Variants in FLYWCH1 observed in about 807,000 individuals in gnomAD.
FLYWCH1 encodes FLYWCH-type zinc finger 1.
FLYWCH1 carries 75 observed loss-of-function variants against 66.4 expected under a neutral mutation model. The ratio of observed to expected loss-of-function variants is 1.13; its 90% CI spans 0.94 to 1.37. The LOEUF (loss-of-function observed/expected upper bound fraction) is 1.37, where lower values mean the gene tolerates loss of function less well. FLYWCH1 is among the 40% of genes most tolerant of loss of function. FLYWCH1 has a pLI of 0.00. For synonymous variants in FLYWCH1, 595 were observed against 429.9 expected, an observed-to-expected ratio of 1.38 and a Z score of -4.75; for missense variants, 1,334 against 1,001.8, an observed-to-expected ratio of 1.33 and a Z score of -4.48.
chr16:2,922,886 G>A, intron 2 of FLYWCH1: 1 of 523,830 alleles, frequency 1.9e-6, no homozygotes, highest in South Asian at 1.4e-5. Flanking sequence ...AGTGGTCGGT[G>A]GAAAATTGAT....
intron 9 of FLYWCH1, among the ~76,000 whole-genome samples, chr16:2,946,841 C>T (rs1487969160): frequency 4.6e-5 from 7 of 152,242 alleles, no homozygotes; most frequent in African/African-American, 1.7e-4. Flanking sequence ...TTTAAAAAGA[C>T]AGCTAACAAG....
chr16:2,948,968 G>A lies in FLYWCH1; in HGVS notation c.*241G>A, dbSNP rs988338719. On this transcript the variant is annotated 3_prime_UTR_variant, in exon 10 of 10. Coordinates refer to ENST00000253928, the MANE Select transcript of FLYWCH1 (RefSeq NM_001308068.2). Reference sequence around the variant, plus strand: ...AGACGCAGCTGTCGTGGGGCAGGGCGGTGGCGCCTTCCTGACCTTTGGAAG... The same window carrying A: ...AGACGCAGCTGTCGTGGGGCAGGGCAGTGGCGCCTTCCTGACCTTTGGAAG... 10 of 532,908 alleles carry A rather than the reference G, an allele frequency of 1.9e-5. No individual in the cohort carries two copies. The highest frequency in any genetic ancestry group is 5.7e-5 in the African/African-American group (3 of 52,274). The allele number at this position is 532,908 out of a possible 1,614,324, so 33.0% of individuals were successfully genotyped here.
At chr16:2,931,615 CA>C (rs555944806) in intron 4 of FLYWCH1, among the ~76,000 whole-genome samples, 23 of 144,926 alleles carry the variant, frequency 1.6e-4, no homozygotes, top group South Asian at 8.7e-4. Context: ...GACCCTGTCT[CA>C]AAAAAAAAAA....
At chr16:2,930,341 C>G in intron 3 of FLYWCH1, 69 bp from the exon 4 acceptor site, 1 of 1,004,618 alleles carries the variant, frequency 1.0e-6, no homozygotes, top group Non-Finnish European at 1.4e-6. Flanking sequence ...CACGCCCTCC[C>G]TGGCTCTCTG....
chr16:2,933,598 T>C lies in FLYWCH1; in HGVS notation c.1249+16T>C, dbSNP rs1381302403. On this transcript the variant is annotated intron_variant, in intron 5 of 9. Coordinates refer to ENST00000253928, the MANE Select transcript of FLYWCH1 (RefSeq NM_001308068.2). ...GCAGACCCGGGTGAGCTGCCTTCCT[T>C]TGGGGCTCACCGGCCCTGCCTTGAC... 2 of 1,575,998 alleles carry C rather than the reference T, an allele frequency of 1.3e-6. No homozygotes were observed. Among genetic ancestry groups the C allele is most frequent in the Non-Finnish European group, 1.7e-6 (2 of 1,160,746 alleles).
At chr16:2,927,115 C>G (rs1051172260) in intron 2 of FLYWCH1, among the ~76,000 whole-genome samples, 1 of 152,188 alleles carries the variant, frequency 6.6e-6, no homozygotes, top group Admixed American at 6.6e-5. Context: ...TGTGCCATGC[C>G]AAATTGCACG....
intron 2 of FLYWCH1, among the ~76,000 whole-genome samples, chr16:2,927,762 C>A (rs1434300392): frequency 6.6e-6 from 1 of 152,208 alleles, no homozygotes; most frequent in Non-Finnish European, 1.5e-5. Context: ...CCGCTCCACA[C>A]CTATGGATAT....
At chr16:2,934,034 C>T (rs1018414110) in intron 6 of FLYWCH1, 55 bp downstream of exon 6, 5 of 1,456,468 alleles carry the variant, frequency 3.4e-6, no homozygotes, top group African/African-American at 1.4e-5. Context: ...GAGCCCCACA[C>T]TGCCTTTCCC....
chr16:2,915,025 A>AAT (rs143517225), intron 2 of FLYWCH1, among the ~76,000 whole-genome samples: 6 of 151,342 alleles, frequency 4.0e-5, no homozygotes, highest in Non-Finnish European at 4.4e-5. Context: ...AAAAAAAAAA[A>AAT]GCACTTAAAC....
At chr16:2,930,151 G>A (rs1005255230) in intron 3 of FLYWCH1, 141 bp downstream of exon 3, 11 of 786,396 alleles carry the variant, frequency 1.4e-5, no homozygotes, top group Non-Finnish European at 2.0e-5. Context: ...GAGCGTGTCC[G>A]AGGCTGGTGG....
chr16:2,931,653 A>G (rs998629431), intron 4 of FLYWCH1, among the ~76,000 whole-genome samples: 1 of 151,954 alleles, frequency 6.6e-6, no homozygotes, highest in African/African-American at 2.4e-5. Flanking sequence ...TTCCCATGCA[A>G]TTCTAGTGTC....
At chr16:2,945,958 C>G (rs2071469473) in intron 9 of FLYWCH1, among the ~76,000 whole-genome samples, 1 of 151,924 alleles carries the variant, frequency 6.6e-6, no homozygotes, top group African/African-American at 2.4e-5. Context: ...GATTGCGACA[C>G]TGCACTCCAG....
At chr16:2,914,831 A>G (rs12926496) in intron 2 of FLYWCH1, among the ~76,000 whole-genome samples, 84,307 of 150,174 alleles carry the variant, frequency 0.56, 23,856 homozygotes, top group Middle Eastern at 0.62. Flanking sequence ...ACCTGGTTCA[A>G]GGATTCAGCG....
chr16:2,938,754 A>C (rs2071135052), intron 8 of FLYWCH1, among the ~76,000 whole-genome samples: 1 of 149,720 alleles, frequency 6.7e-6, no homozygotes, highest in Non-Finnish European at 1.5e-5. Context: ...CTGGGACTAC[A>C]GGTGCCTGCC....
intron 6 of FLYWCH1, 146 bp from the exon 7 acceptor site, chr16:2,936,975 G>A: frequency 1.2e-6 from 1 of 813,450 alleles, no homozygotes. Context: ...GAGTTGGGGG[G>A]ATGGTGGCAT....
At chr16:2,929,029 A>C (rs1226532309) in intron 2 of FLYWCH1, 1 of 152,492 alleles carries the variant, frequency 6.6e-6, no homozygotes, top group Non-Finnish European at 1.5e-5. Flanking sequence ...TCTGCCTCCC[A>C]GGCCGTGATG....
Position 2,930,543 on chromosome 16 carries a change from G to A in FLYWCH1, c.459G>A (p.Leu153=). 1 of 1,549,264 alleles carries A rather than the reference G, an allele frequency of 6.5e-7. No homozygotes were observed. Among genetic ancestry groups the A allele is most frequent in the Non-Finnish European group, 8.7e-7 (1 of 1,151,526 alleles). Residue 153 remains leucine, a synonymous_variant, in exon 4 of 10, where the codon CTG becomes CTA. Coordinates refer to ENST00000253928, the MANE Select transcript of FLYWCH1 (RefSeq NM_001308068.2). ...GGAAGTGCCGCCAACATGCTGAGCT[G>A]GGCTGCCGGGGCCGGGCCATCACCC... ...VYWKCRQHAE[L]GCRGRAITRG...
In FLYWCH1 at chr16:2,948,164, C is replaced by T. The variant is rs1009087612; in HGVS notation, c.2112-524C>T. 2.6e-5 allele frequency among the ~76,000 whole-genome samples: 4 copies of T among 152,158 alleles called. No individual in the cohort carries two copies. In the East Asian group the frequency reaches 7.7e-4, roughly 29 times the overall value. The stretch of plus-strand genomic sequence containing the variant: ...CTTTTTGGAAGTGTTGGGTGGTTCT[C>T]CCCCAAACATGCTGGTGTGGGAAGC... On this transcript the variant is annotated intron_variant, in intron 9 of 9. Coordinates refer to ENST00000253928, the MANE Select transcript of FLYWCH1 (RefSeq NM_001308068.2).
intron 8 of FLYWCH1, among the ~76,000 whole-genome samples, chr16:2,939,000 T>C (rs1191308251): frequency 1.3e-5 from 2 of 150,384 alleles, no homozygotes; most frequent in African/African-American, 4.9e-5. Flanking sequence ...CTCTGCCTCC[T>C]GGGTTCAAGT....
Sources: allele counts gnomAD v4.1 joint callset (sites outside exome capture counted in the v4.1 genomes callset), GRCh38; gene constraint gnomAD v4.1.1; transcripts MANE v1.5; gene names NCBI Gene and HGNC (gene_info 2026-07-23, HGNC 2026-07-21).